Variants in ADGRE5 observed in about 807,000 individuals in gnomAD.
ADGRE5 encodes the protein adhesion G protein-coupled receptor E5.
Under a neutral mutation model 100.3 loss-of-function variants are expected in ADGRE5, and 72 were observed. The observed-to-expected ratio is 0.72, with a 90% CI of 0.59 to 0.87. ADGRE5 has a LOEUF of 0.87. ADGRE5 is among the 40% of genes least tolerant of loss of function. ADGRE5 has a pLI of 0.00. For missense variants in ADGRE5, 959 were observed against 1,094.7 expected, an observed-to-expected ratio of 0.88 and a Z score of 1.75; for synonymous variants, 439 against 447.8, an observed-to-expected ratio of 0.98 and a Z score of 0.25.
At chr19:14,398,327 T>A in intron 9 of ADGRE5, 188 bp downstream of exon 9, 1 of 607,338 alleles carries the variant, frequency 1.6e-6, no homozygotes, top group Non-Finnish European at 3.0e-6. Flanking sequence ...GACACACGCA[T>A]GCACACACAC....
chr19:14,401,325 G>A lies in ADGRE5; in HGVS notation c.898-61G>A, dbSNP rs1342794809. ...TCCCCTGGTAGGGGGTGACATCCAGGTCCTTCAGGCAACCCCTGTGGTCTG... is the reference window on the plus strand; with the variant it reads ...TCCCCTGGTAGGGGGTGACATCCAGATCCTTCAGGCAACCCCTGTGGTCTG... On this transcript the variant is annotated intron_variant, in intron 9 of 19. Coordinates refer to ENST00000242786, the MANE Select transcript of ADGRE5 (RefSeq NM_078481.4). The surrounding 1 kb of genome is among the most constrained non-coding windows in gnomAD (Gnocchi z 4.1). 1 of 1,487,302 alleles carries A rather than the reference G, an allele frequency of 6.7e-7. No individual in the cohort carries two copies. Among genetic ancestry groups the A allele is most frequent in the African/African-American group, 1.4e-5 (1 of 71,900 alleles). The allele number at this position is 1,487,302 out of a possible 1,614,324, so 92.1% of individuals were successfully genotyped here.
intron 9 of ADGRE5, chr19:14,398,341 C>T (rs1975865039): frequency 1.7e-6 from 1 of 585,664 alleles, no homozygotes; most frequent in Non-Finnish European, 3.1e-6. Context: ...CACACACACA[C>T]CAGGTATAAT....
At position 14,407,958 on chromosome 19, in the gene ADGRE5, G is replaced by C; in HGVS notation, c.2427G>C (p.Lys809Asn). Residue 809 changes from lysine (K) to asparagine (N), a missense_variant, in exon 19 of 20, where the codon AAG (lysine) becomes AAC (asparagine). Lys to Asn is a moderately conservative substitution (Grantham distance 94). Transcript: ENST00000242786. ...KWACLVAGGS[K>N]YSEFTSTTSG... ...CCTGCCTAGTTGCTGGGGGGAGCAA[G>C]TACTCAGAATTCACCTCCACCACGT... 6.2e-7 allele frequency: 1 copy of C among 1,614,142 alleles called. No individual in the cohort carries two copies. The highest frequency in any genetic ancestry group is 1.7e-5 in the Admixed American group (1 of 60,020).
intron 1 of ADGRE5, among the ~76,000 whole-genome samples, chr19:14,382,591 A>G (rs1975196394): frequency 6.6e-6 from 1 of 152,182 alleles, no homozygotes; most frequent in Non-Finnish European, 1.5e-5. Context: ...GGCTGGGCAC[A>G]GTGGCTCACA....
chr19:14,390,946 G>T lies in ADGRE5; in HGVS notation c.213G>T (p.Pro71=), dbSNP rs747603588. The T allele has an allele frequency of 6.2e-7, 1 of 1,614,218 alleles. No individual in the cohort carries two copies. Among genetic ancestry groups the T allele is most frequent in the Non-Finnish European group, 8.5e-7 (1 of 1,180,046 alleles). Reference sequence around the variant, plus strand: ...CAGACATCAACGAGTGTGCAACACCGTCGAAAGTGTCATGCGGAAAATTCT... The same window carrying T: ...CAGACATCAACGAGTGTGCAACACCTTCGAAAGTGTCATGCGGAAAATTCT... ...TCDDINECAT[P]SKVSCGKFSD... is the part of the protein sequence containing the mutation. The change falls in exon 4 of 20, where the codon CCG becomes CCT. Residue 71 remains proline, a synonymous_variant. Coordinates refer to ENST00000242786, the MANE Select transcript of ADGRE5 (RefSeq NM_078481.4).
intron 9 of ADGRE5, among the ~76,000 whole-genome samples, chr19:14,400,337 A>G (rs1357972190): frequency 6.6e-6 from 1 of 151,800 alleles, no homozygotes; most frequent in Non-Finnish European, 1.5e-5. Flanking sequence ...CATTTTTTGC[A>G]GAGATGGGGG....
At chr19:14,385,393 C>T (rs1057012320) in intron 1 of ADGRE5, among the ~76,000 whole-genome samples, 5 of 152,000 alleles carry the variant, frequency 3.3e-5, no homozygotes. Flanking sequence ...TTCTCTCTCT[C>T]TGTCTGTCTC....
intron 9 of ADGRE5, among the ~76,000 whole-genome samples, chr19:14,400,891 T>C (rs767211226): frequency 2.0e-5 from 3 of 152,006 alleles, no homozygotes; most frequent in Non-Finnish European, 4.4e-5. Context: ...TTTGTTTTGA[T>C]CTGAGATCGT....
chr19:14,400,471 A>G (rs1313819396), intron 9 of ADGRE5, among the ~76,000 whole-genome samples: 1 of 151,932 alleles, frequency 6.6e-6, no homozygotes, highest in Non-Finnish European at 1.5e-5. Flanking sequence ...ACTACACTTT[A>G]TAAAGTAAAA....
At chr19:14,407,367 C>A (rs1976305045) in intron 18 of ADGRE5, 138 bp downstream of exon 18, 2 of 999,958 alleles carry the variant, frequency 2.0e-6, no homozygotes, top group Admixed American at 2.6e-5. Context: ...CAAAAAAATT[C>A]AAAGATAGCC....
intron 4 of ADGRE5, 60 bp from the exon 5 acceptor site, chr19:14,396,282 C>G: frequency 6.2e-7 from 1 of 1,613,674 alleles, no homozygotes; most frequent in Non-Finnish European, 8.5e-7. Flanking sequence ...ATGGCGGACC[C>G]TCAGCCCTGA....
chr19:14,393,199 TA>T (rs34782681), intron 4 of ADGRE5, among the ~76,000 whole-genome samples: 87,468 of 145,208 alleles, frequency 0.6, 26,129 homozygotes, highest in East Asian at 0.72. Flanking sequence ...AGACTCCATC[TA>T]AAAAAAAAAA....
intron 4 of ADGRE5, among the ~76,000 whole-genome samples, chr19:14,392,325 G>T (rs1323505999): frequency 6.6e-6 from 1 of 151,750 alleles, no homozygotes; most frequent in Non-Finnish European, 1.5e-5. Flanking sequence ...TTTTGAGACA[G>T]AGTCTCACTC....
chr19:14,404,300 C>T (rs1599632585), intron 12 of ADGRE5, 83 bp from the exon 13 acceptor site: 2 of 1,300,616 alleles, frequency 1.5e-6, no homozygotes, highest in East Asian at 4.7e-5. Flanking sequence ...TAGTAAAAAG[C>T]AGCCCTCTTA....
intron 3 of ADGRE5, among the ~76,000 whole-genome samples, 155 bp from the exon 4 acceptor site, chr19:14,390,769 T>G (rs1975572664): frequency 1.3e-5 from 2 of 152,192 alleles, no homozygotes. Context: ...AGGAATGGCT[T>G]GCTCCAGCTG....
chr19:14,385,820 G>C (rs1975328855), intron 1 of ADGRE5, among the ~76,000 whole-genome samples: 1 of 151,254 alleles, frequency 6.6e-6, no homozygotes, highest in Non-Finnish European at 1.5e-5. Context: ...ACTCAGGCTG[G>C]AGTGCAGTGG....
chr19:14,407,088 G>C lies in ADGRE5; in HGVS notation c.2235G>C (p.Gln745His). The C allele has an allele frequency of 3.7e-6, 6 of 1,614,168 alleles. No homozygotes were observed. Among genetic ancestry groups the C allele is most frequent in the Non-Finnish European group, 5.1e-6 (6 of 1,180,044 alleles). The change falls in exon 18 of 20, where the codon CAG (glutamine) becomes CAC (histidine). Residue 745 changes from glutamine (Q) to histidine (H), a missense_variant. Gln to His is a conservative substitution (Grantham distance 24, BLOSUM62 0). This residue lies in a region of ADGRE5 where 428 missense variants were observed against 386.2 expected (regional missense o/e 1.11). Coordinates refer to ENST00000242786, the MANE Select transcript of ADGRE5 (RefSeq NM_078481.4). ...ARALTITAIA[Q>H]LFLLGCTWVF... The stretch of plus-strand genomic sequence containing the variant: ...CGCTGACCATCACGGCCATCGCGCA[G>C]CTCTTCCTGTTGGGCTGCACCTGGG...
chr19:14,381,807 C>G (rs531385483), intron 1 of ADGRE5, among the ~76,000 whole-genome samples: 1 of 152,026 alleles, frequency 6.6e-6, no homozygotes, highest in Non-Finnish European at 1.5e-5. Flanking sequence ...TGGAGCCAGT[C>G]TGGCATCTGC....
chr19:14,399,742 TA>T (rs201012165), intron 9 of ADGRE5, among the ~76,000 whole-genome samples: 27,338 of 140,440 alleles, frequency 0.19, 4,739 homozygotes, highest in African/African-American at 0.47. Context: ...GATTTTGTCT[TA>T]AAAAAAAAAA....
Sources: gnomAD v4.1 joint callset for allele counts (sites outside exome capture counted in the v4.1 genomes callset) on GRCh38, gnomAD v4.1.1 for gene constraint, gnomAD v4.1.1 regional missense constraint, Gnocchi (gnomAD v3.1) non-coding constraint, MANE v1.5 for transcripts, NCBI Gene and HGNC (gene_info 2026-07-23, HGNC 2026-07-21) for gene names.